Variants in ZMYND8 observed in about 807,000 individuals in gnomAD.
ZMYND8 encodes the protein MYND-type zinc finger-containing chromatin reader ZMYND8.
In ZMYND8, 37 loss-of-function variants were observed where a neutral mutation model predicts 140.8. That is an observed-to-expected ratio of 0.26 (90% CI 0.20 to 0.35). The LOEUF (loss-of-function observed/expected upper bound fraction) is 0.35. Among genes scored for constraint, ZMYND8 ranks in the 10% least tolerant of loss-of-function variants. The pLI is 1.00. For missense variants in ZMYND8, 1,068 were observed against 1,570.0 expected (o/e 0.68, Z 5.40); for synonymous variants, 592 against 597.1 (o/e 0.99, Z 0.12).
intron 13 of ZMYND8, among the ~76,000 whole-genome samples, chr20:47,247,163 T>C (rs565734233): frequency 6.6e-6 from 1 of 152,368 alleles, no homozygotes; most frequent in African/African-American, 2.4e-5. Flanking sequence ...TTTTAATTTA[T>C]AAATGTGTTG....
intron 21 of ZMYND8, among the ~76,000 whole-genome samples, chr20:47,213,647 A>T (rs550186731): frequency 1.8e-4 from 27 of 152,328 alleles, no homozygotes; most frequent in Admixed American, 1.6e-3. Flanking sequence ...GAGAAGATGG[A>T]CTGCCAAAAG....
chr20:47,349,903 G>C, intron 1 of ZMYND8: 3 of 1,535,544 alleles, frequency 2.0e-6, no homozygotes, highest in Non-Finnish European at 8.7e-7. Context: ...AAGGTGTATT[G>C]ATCATGGAGG....
intron 1 of ZMYND8, among the ~76,000 whole-genome samples, chr20:47,351,514 C>A (rs564101130): frequency 6.6e-6 from 1 of 152,286 alleles, no homozygotes; most frequent in Admixed American, 6.5e-5. Flanking sequence ...CTGGTTTTTA[C>A]TTTTCATTCA....
intron 2 of ZMYND8, among the ~76,000 whole-genome samples, chr20:47,336,869 C>A: frequency 6.6e-6 from 1 of 152,310 alleles, no homozygotes; most frequent in South Asian, 2.1e-4. Context: ...CACTTTGGCA[C>A]ACTCTCCCAT....
At chr20:47,247,997 A>G (rs1459947318) in intron 13 of ZMYND8, among the ~76,000 whole-genome samples, 1 of 152,250 alleles carries the variant, frequency 6.6e-6, no homozygotes, top group African/African-American at 2.4e-5. Context: ...GGCTTGTGCT[A>G]CTGGTAGGTA....
chr20:47,297,586 TA>T (rs151320528), intron 4 of ZMYND8, among the ~76,000 whole-genome samples: 3,461 of 152,204 alleles, frequency 0.023, 48 homozygotes, highest in East Asian at 0.056. Flanking sequence ...CATGCCCAGC[TA>T]ATTTCTTTAA....
rs1459867950 is a variant in ZMYND8 at position 47,276,544 on chromosome 20, A to C, written c.1250T>G (p.Val417Gly). 6.2e-7 allele frequency: 1 copy of C among 1,613,198 alleles called. No homozygotes were observed. The highest frequency in any genetic ancestry group is 1.3e-5 in the African/African-American group (1 of 74,592). The change falls in exon 11 of 23, where the codon GTC becomes GGC. Residue 417 changes from valine (V) to glycine (G), a missense_variant. By Grantham distance (109) the Val-to-Gly change is moderately radical. Around this residue, in one of 10 missense-constraint regions of ZMYND8, gnomAD observed 173 missense variants for 223.3 expected, o/e 0.77. Coordinates refer to ENST00000471951, the MANE Select transcript of ZMYND8 (RefSeq NM_001281775.3). ...TGCCGTCATGTCAAAGTTGAGCTTG[A>C]CCTTCTCCTGCTTGTCTATCTTGGC... Reference protein sequence around the residue: ...GTAKIDKQEKVKLNFDMTASP... With the variant: ...GTAKIDKQEKGKLNFDMTASP...
chr20:47,272,998 G>A (rs1016085801), intron 11 of ZMYND8, among the ~76,000 whole-genome samples: 2 of 152,218 alleles, frequency 1.3e-5, no homozygotes, highest in Admixed American at 6.5e-5. Flanking sequence ...GCAGTAGGGT[G>A]CAGAGAAAGG....
intron 2 of ZMYND8, among the ~76,000 whole-genome samples, chr20:47,338,713 C>T (rs1306168571): frequency 1.3e-5 from 2 of 152,100 alleles, no homozygotes; most frequent in Admixed American, 1.3e-4. Flanking sequence ...CGACAACCAC[C>T]CCAGAGAATC....
intron 2 of ZMYND8, among the ~76,000 whole-genome samples, chr20:47,336,897 C>T (rs1248500990): frequency 6.6e-6 from 1 of 152,220 alleles, no homozygotes; most frequent in East Asian, 1.9e-4. Context: ...AGCTCCCCTT[C>T]CCCCTGCATC....
At chr20:47,328,739 T>C (rs2080681688) in intron 2 of ZMYND8, among the ~76,000 whole-genome samples, 1 of 152,212 alleles carries the variant, frequency 6.6e-6, no homozygotes, top group South Asian at 2.1e-4. Context: ...ATTCCAGGCA[T>C]GAGCCACCGT....
chr20:47,251,561 T>G (rs2147358794), intron 12 of ZMYND8, among the ~76,000 whole-genome samples: 1 of 150,636 alleles, frequency 6.6e-6, no homozygotes, highest in Non-Finnish European at 1.5e-5. Context: ...CACTCCAGCC[T>G]GGGTGAGCAA....
At chr20:47,224,174 A>C in intron 19 of ZMYND8, 143 bp downstream of exon 19, 1 of 1,379,354 alleles carries the variant, frequency 7.2e-7, no homozygotes, top group South Asian at 1.4e-5. Flanking sequence ...CCTGTGTGTA[A>C]GACACAATTG....
chr20:47,270,951 C>G (rs2075901352), intron 11 of ZMYND8, among the ~76,000 whole-genome samples: 1 of 151,892 alleles, frequency 6.6e-6, no homozygotes, highest in Non-Finnish European at 1.5e-5. Context: ...GCGGCAGGCA[C>G]CTGTAGTCCC....
rs369852772 is a variant in ZMYND8, at chr20:47,210,924, C to T, written c.3569-27G>A. The T allele has an allele frequency of 6.0e-5, 97 of 1,605,982 alleles. No homozygotes were observed. The Middle Eastern group carries it at 9.9e-4, about 16-fold the overall frequency. On this transcript the variant is annotated intron_variant, in intron 22 of 22. Transcript: ENST00000471951. ...TGAGGGGGAAAACCAATGTGTTTAG[C>T]GTGCCTGCCCACCTGCGCCTGAGCA...
At chr20:47,235,860 G>A (rs551120213) in intron 16 of ZMYND8, among the ~76,000 whole-genome samples, 2 of 152,290 alleles carry the variant, frequency 1.3e-5, no homozygotes, top group South Asian at 2.1e-4. Context: ...GGGAGAGGGA[G>A]TCCCCTTGGT....
intron 4 of ZMYND8, among the ~76,000 whole-genome samples, chr20:47,296,781 C>A (rs762642043): frequency 3.9e-5 from 6 of 151,980 alleles, no homozygotes; most frequent in Non-Finnish European, 8.8e-5. Flanking sequence ...CATAGCAAGA[C>A]CCTGTCTCTA....
chr20:47,228,637 T>G (rs1026902661), intron 17 of ZMYND8, among the ~76,000 whole-genome samples: 32 of 152,222 alleles, frequency 2.1e-4, no homozygotes, highest in African/African-American at 7.7e-4. Context: ...TCATTGATTT[T>G]TCTTGGGTCT....
At chr20:47,308,164 AT>A (rs2078645146) in intron 3 of ZMYND8, among the ~76,000 whole-genome samples, 1 of 145,250 alleles carries the variant, frequency 6.9e-6, no homozygotes, top group Non-Finnish European at 1.5e-5. Context: ...GTCACTTGCC[AT>A]TTTCAAGTAC....
Sources: allele counts gnomAD v4.1 joint callset (sites outside exome capture counted in the v4.1 genomes callset), GRCh38; gene constraint gnomAD v4.1.1; regional missense constraint gnomAD v4.1.1; transcripts MANE v1.5; gene names NCBI Gene and HGNC (gene_info 2026-07-23, HGNC 2026-07-21).